AGMO: variants seen among roughly 807,000 people sequenced by gnomAD.
The protein encoded by AGMO is glyceryl-ether monooxygenase.
Under a neutral mutation model 60.2 loss-of-function variants are expected in AGMO, and 75 were observed. The observed-to-expected ratio is 1.25, with a 90% confidence interval of 1.03 to 1.51. The LOEUF (loss-of-function observed/expected upper bound fraction) is 1.51. Among genes scored for constraint, AGMO ranks in the 40% most tolerant of loss-of-function variants. The pLI, the probability that AGMO is intolerant of heterozygous loss-of-function variation, is 0.00. For synonymous variants in AGMO, 261 were observed against 177.1 expected, an observed-to-expected ratio of 1.47 and a Z score of -3.76; for missense variants, 763 against 525.5, an observed-to-expected ratio of 1.45 and a Z score of -4.42.
At chr7:15,429,194 C>A (rs1411801952) in intron 4 of AGMO, among the ~76,000 whole-genome samples, 1 of 152,026 alleles carries the variant, frequency 6.6e-6, no homozygotes, top group African/African-American at 2.4e-5. Context: ...TTCAATAGTG[C>A]CTTCCCTACC....
At chr7:15,198,624 C>G (rs567152226), downstream of AGMO, among the ~76,000 whole-genome samples, 5 of 152,062 alleles carry the variant, frequency 3.3e-5, no homozygotes, top group African/African-American at 1.2e-4. Flanking sequence ...CCTGAAAATT[C>G]GGAGACTGGG....
At chr7:15,324,450 A>C (rs1055746041) in intron 12 of AGMO, among the ~76,000 whole-genome samples, 1 of 151,954 alleles carries the variant, frequency 6.6e-6, no homozygotes, top group African/African-American at 2.4e-5. Flanking sequence ...TTTCTTTATA[A>C]GCTTTGGTTT....
intron 12 of AGMO, among the ~76,000 whole-genome samples, chr7:15,348,174 A>G (rs1782103412): frequency 6.6e-6 from 1 of 152,086 alleles, no homozygotes; most frequent in African/African-American, 2.4e-5. Flanking sequence ...ACAGTTTAGC[A>G]CAGTCTCATG....
chr7:15,338,466 T>C (rs1248762662), intron 12 of AGMO, among the ~76,000 whole-genome samples: 1 of 33,030 alleles, frequency 3.0e-5, no homozygotes, highest in East Asian at 9.0e-4. Context: ...GATGCTCTGA[T>C]CTTATTTAAT....
At chr7:15,406,227 AT>A (rs1784680944) in intron 5 of AGMO, among the ~76,000 whole-genome samples, 6 of 128,532 alleles carry the variant, frequency 4.7e-5, no homozygotes, top group Non-Finnish European at 8.5e-5. Flanking sequence ...TTTGTTTGGA[AT>A]ACACACACAC....
intron 12 of AGMO, among the ~76,000 whole-genome samples, chr7:15,245,565 G>A (rs1782715649): frequency 6.6e-6 from 1 of 152,076 alleles, no homozygotes; most frequent in Admixed American, 6.6e-5. Context: ...CACTATCATA[G>A]AGGTATTGTG....
At chr7:15,461,614 C>G (rs1451434590) in intron 3 of AGMO, among the ~76,000 whole-genome samples, 1 of 152,010 alleles carries the variant, frequency 6.6e-6, no homozygotes, top group Non-Finnish European at 1.5e-5. Flanking sequence ...GCAGAGACAC[C>G]CGATCTGCTG....
intron 1 of AGMO, among the ~76,000 whole-genome samples, chr7:15,560,489 T>G (rs1785275717): frequency 6.6e-6 from 1 of 152,110 alleles, no homozygotes; most frequent in African/African-American, 2.4e-5. Context: ...ATCATCCAAT[T>G]TGAATATGAA....
At chr7:15,354,533 T>G (rs923932612) in intron 12 of AGMO, among the ~76,000 whole-genome samples, 2 of 103,682 alleles carry the variant, frequency 1.9e-5, no homozygotes, top group African/African-American at 6.9e-5. Flanking sequence ...TATATATATA[T>G]ATATATAGCT....
intron 8 of AGMO, among the ~76,000 whole-genome samples, chr7:15,387,971 G>A (rs763615173): frequency 1.3e-5 from 2 of 148,352 alleles, no homozygotes; most frequent in South Asian, 2.1e-4. Flanking sequence ...GCAGTGGAGC[G>A]GCTTTGGCTC....
chr7:15,299,272 GAAAGT>G (rs1446061855), intron 12 of AGMO, among the ~76,000 whole-genome samples: 1 of 152,024 alleles, frequency 6.6e-6, no homozygotes, highest in Non-Finnish European at 1.5e-5. Context: ...TTGCTTCAGT[GAAAGT>G]AAAGTACATT....
chr7:15,236,066 G>T (rs2128500988), intron 12 of AGMO, among the ~76,000 whole-genome samples: 1 of 152,176 alleles, frequency 6.6e-6, no homozygotes, highest in Middle Eastern at 3.4e-3. Context: ...AAAGGAAAAT[G>T]ATATACTGTT....
At chr7:15,240,086 T>C (rs1014439312) in intron 12 of AGMO, among the ~76,000 whole-genome samples, 3 of 152,132 alleles carry the variant, frequency 2.0e-5, no homozygotes, top group African/African-American at 7.2e-5. Flanking sequence ...AAGAGAAACA[T>C]GCTTTTTCCT....
At chr7:15,483,501 G>A (rs1185254865) in intron 3 of AGMO, among the ~76,000 whole-genome samples, 1 of 152,124 alleles carries the variant, frequency 6.6e-6, no homozygotes, top group Non-Finnish European at 1.5e-5. Context: ...GGGAGGCGGA[G>A]CTTGCAGTGA....
At chr7:15,216,290 T>A (rs1327666313) in intron 12 of AGMO, among the ~76,000 whole-genome samples, 2 of 152,122 alleles carry the variant, frequency 1.3e-5, no homozygotes, top group Admixed American at 6.6e-5. Context: ...ACCCTGTCTC[T>A]GTTCTTGTCC....
At chr7:15,350,948 G>C (rs1320956140) in intron 12 of AGMO, among the ~76,000 whole-genome samples, 3 of 152,078 alleles carry the variant, frequency 2.0e-5, no homozygotes, top group African/African-American at 7.2e-5. Context: ...CTTGTTGTTG[G>C]TATGTGTTAC....
the AGMO span, among the ~76,000 whole-genome samples, chr7:15,187,615 C>T: frequency 1.3e-5 from 2 of 152,060 alleles, no homozygotes; most frequent in Non-Finnish European, 2.9e-5. Flanking sequence ...CTCAATTTGC[C>T]CTGCTGCCAG....
chr7:15,463,449 C>T (rs779433379), intron 3 of AGMO, among the ~76,000 whole-genome samples: 30 of 152,184 alleles, frequency 2.0e-4, no homozygotes, highest in South Asian at 8.3e-4. Context: ...CCCAAACTGG[C>T]GACACACACA....
chr7:15,291,175 TTTTAA>T (rs952292353), intron 12 of AGMO, among the ~76,000 whole-genome samples: 54 of 152,194 alleles, frequency 3.5e-4, no homozygotes, highest in African/African-American at 1.2e-3. Flanking sequence ...GCATGTAAAC[TTTTAA>T]TTTATCTTTT....
Sources: gnomAD v4.1 joint callset for allele counts (sites outside exome capture counted in the v4.1 genomes callset) on GRCh38, gnomAD v4.1.1 for gene constraint, MANE v1.5 for transcripts, NCBI Gene and HGNC (gene_info 2026-07-23, HGNC 2026-07-21) for gene names.